The following LRRN3 variants were observed in gnomAD, a reference collection of about 807,000 sequenced individuals.
LRRN3 encodes leucine-rich repeat neuronal protein 3.
LRRN3 carries 15 observed loss-of-function variants against 40.1 expected under a neutral mutation model. The ratio of observed to expected loss-of-function variants is 0.37; its 90% CI spans 0.25 to 0.58. The LOEUF is 0.58. Among genes scored for constraint, LRRN3 ranks in the 20% least tolerant of loss-of-function variants. The pLI is 0.72. For synonymous variants in LRRN3, 308 were observed against 297.2 expected (o/e 1.04, Z -0.37); for missense variants, 746 against 837.7 (o/e 0.89, Z 1.35).
Position 111,120,775 on chromosome 7 carries a change from G to A in LRRN3, c.-358-1640G>A, listed in dbSNP as rs1800500930. On this transcript the variant is annotated intron_variant, in intron 2 of 2. Coordinates refer to ENST00000308478, the MANE Select transcript of LRRN3 (RefSeq NM_001099658.2). ...TATGGAGAGAAGTATGAATGAAAATGGGAAACAGCTAATACCACTACATCT... is the reference window on the plus strand; with the variant it reads ...TATGGAGAGAAGTATGAATGAAAATAGGAAACAGCTAATACCACTACATCT... Among the ~76,000 whole-genome samples, 6 of 152,032 alleles carry A rather than the reference G, an allele frequency of 3.9e-5. No individual in the cohort carries two copies. The South Asian group carries it at 1.2e-3, about 32-fold the overall frequency.
At position 111,123,566 on chromosome 7, in the gene LRRN3, T is replaced by G; in HGVS notation, c.794T>G (p.Leu265Trp). Reference sequence around the variant, plus strand: ...CAAAAAGTTGTAAATCTCAAATTTTTGGATCTAAATAAAAATCCTATTAAT... The same window carrying G: ...CAAAAAGTTGTAAATCTCAAATTTTGGGATCTAAATAAAAATCCTATTAAT... The part of the protein sequence containing the change: ...ALQKVVNLKF[L>W]DLNKNPINRI... Residue 265 changes from leucine to tryptophan, a missense_variant, in exon 3 of 3, where the codon TTG (leucine) becomes TGG (tryptophan). Leu to Trp is a moderately conservative substitution (Grantham distance 61). Coordinates refer to ENST00000308478, the MANE Select transcript of LRRN3 (RefSeq NM_001099658.2). This position sits in a 1 kb window ranked among gnomAD's most constrained non-coding sequence, Gnocchi z 6.4. 1 of 1,613,736 alleles carries G rather than the reference T, an allele frequency of 6.2e-7. No individual in the cohort carries two copies. The highest frequency in any genetic ancestry group is 8.5e-7 in the Non-Finnish European group (1 of 1,179,808).
At chr7:111,102,881 A>T (rs550493126) in intron 2 of LRRN3, among the ~76,000 whole-genome samples, 1 of 151,614 alleles carries the variant, frequency 6.6e-6, no homozygotes, top group Non-Finnish European at 1.5e-5. Flanking sequence ...ATCTCATTGT[A>T]AACTTATTTT....
At position 111,125,187 on chromosome 7, in the gene LRRN3, A is replaced by C. The variant is rs1801163212; in HGVS notation, c.*288A>C. ...TATGTCTGGACTACAGTTCAAGTGG[A>C]CAAAAACATTTCTGTATTTTTTTTA... On this transcript the variant is annotated 3_prime_UTR_variant, in exon 3 of 3. Coordinates refer to ENST00000308478, the MANE Select transcript of LRRN3 (RefSeq NM_001099658.2). 1 of 289,454 alleles carries C rather than the reference A, an allele frequency of 3.5e-6. No individual in the cohort carries two copies. Among genetic ancestry groups the C allele is most frequent in the Admixed American group, 4.9e-5 (1 of 20,586 alleles). The allele number at this position is 289,454 out of a possible 1,614,324, so 17.9% of individuals were successfully genotyped here.
In LRRN3 at chr7:111,123,292, A is replaced by G. The variant is rs1167472232; in HGVS notation, c.520A>G (p.Asn174Asp). ...TCTTCTTCGACTTCATCTCAATTCA[A>G]ATAGATTGCAGATGATCAACAGTAA... Reference protein sequence around the residue: ...HNLLRLHLNSNRLQMINSKWF... With the variant: ...HNLLRLHLNSDRLQMINSKWF... Residue 174 changes from asparagine (N) to aspartate (D), a missense_variant, in exon 3 of 3, where the codon AAT becomes GAT. Asn to Asp is a conservative substitution (Grantham distance 23). Coordinates refer to ENST00000308478, the MANE Select transcript of LRRN3 (RefSeq NM_001099658.2). This position sits in a 1 kb window ranked among gnomAD's most constrained non-coding sequence, Gnocchi z 6.4. 6.2e-7 allele frequency: 1 copy of G among 1,613,862 alleles called. No homozygotes were observed. The highest frequency in any genetic ancestry group is 8.5e-7 in the Non-Finnish European group (1 of 1,179,944).
intron 2 of LRRN3, among the ~76,000 whole-genome samples, chr7:111,110,295 A>G (rs947376902): frequency 2.6e-5 from 4 of 152,236 alleles, no homozygotes; most frequent in African/African-American, 4.8e-5. Context: ...GATAGGAATC[A>G]GTCATTAAAG....
rs28535164 is a variant in LRRN3 at position 111,092,936 on chromosome 7, T to C, written c.-441+1432T>C. Reference sequence around the variant, plus strand: ...TCTTTGAAACTGTGGGTTATTTTTTTCCACAACTGTGATTTCAGAGCTATT... The same window carrying C: ...TCTTTGAAACTGTGGGTTATTTTTTCCCACAACTGTGATTTCAGAGCTATT... On this transcript the variant is annotated intron_variant, in intron 1 of 2. Transcript: ENST00000308478. 9.7e-3 allele frequency among the ~76,000 whole-genome samples: 1,473 copies of C among 152,334 alleles called. 23 individuals carry two copies. Among genetic ancestry groups the C allele is most frequent in the African/African-American group, 0.033 (1,366 of 41,578 alleles).
At chr7:111,101,973 C>G (rs1798027307) in intron 2 of LRRN3, among the ~76,000 whole-genome samples, 1 of 151,202 alleles carries the variant, frequency 6.6e-6, no homozygotes, top group South Asian at 2.1e-4. Context: ...TTCATGAACT[C>G]TAATTTTCAT....
At position 111,124,708 on chromosome 7, in the gene LRRN3, A is replaced by T. The variant is rs1340920713; in HGVS notation, c.1936A>T (p.Ile646Phe). The T allele has an allele frequency of 6.2e-7, 1 of 1,613,966 alleles. No individual in the cohort carries two copies. Among genetic ancestry groups the T allele is most frequent in the South Asian group, 1.1e-5 (1 of 91,078 alleles). The change falls in exon 3 of 3, where the codon ATC becomes TTC. Residue 646 changes from isoleucine (I) to phenylalanine (F), a missense_variant. Coordinates refer to ENST00000308478, the MANE Select transcript of LRRN3 (RefSeq NM_001099658.2). ...LLGIIGVICL[I>F]SCLSPEMNCD... ...GGGGATTATTGGTGTGATATGTCTT[A>T]TCAGCTGCCTCTCTCCAGAAATGAA... is the stretch of plus-strand genomic sequence containing the variant.
intron 2 of LRRN3, among the ~76,000 whole-genome samples, chr7:111,114,126 A>G (rs977022277): frequency 6.7e-6 from 1 of 149,350 alleles, no homozygotes; most frequent in Admixed American, 6.6e-5. Flanking sequence ...ACACATACAC[A>G]TAAATCTACA....
At chr7:111,104,002 G>A (rs1474039476) in intron 2 of LRRN3, among the ~76,000 whole-genome samples, 2 of 151,664 alleles carry the variant, frequency 1.3e-5, no homozygotes, top group Admixed American at 6.6e-5. Flanking sequence ...AACAAAATGG[G>A]AACACTGAAA....
In LRRN3 at chr7:111,098,760, G is replaced by A. The variant is rs114686398; in HGVS notation, c.-440-1121G>A. On this transcript the variant is annotated intron_variant, in intron 1 of 2. Coordinates refer to ENST00000308478, the MANE Select transcript of LRRN3 (RefSeq NM_001099658.2). Reference sequence around the variant, plus strand: ...AAGGCTTAGAGAAGAAAAGTAACTTGCCATAACTAATGAAGAACACGAAAA... The same window carrying A: ...AAGGCTTAGAGAAGAAAAGTAACTTACCATAACTAATGAAGAACACGAAAA... Among the ~76,000 whole-genome samples the A allele has an allele frequency of 1.9e-3, 282 of 151,746 alleles. 1 individual carries two copies. The highest frequency in any genetic ancestry group is 6.3e-3 in the African/African-American group (263 of 41,454).
chr7:111,120,989 T>C (rs1800535660), intron 2 of LRRN3, among the ~76,000 whole-genome samples: 1 of 152,060 alleles, frequency 6.6e-6, no homozygotes, highest in Non-Finnish European at 1.5e-5. Context: ...TTTTCCTTTT[T>C]TCCCTATAAC....
In LRRN3 at chr7:111,124,534, G is replaced by A. The variant is rs1417787594; in HGVS notation, c.1762G>A (p.Glu588Lys). 6.2e-7 allele frequency: 1 copy of A among 1,613,550 alleles called. No individual in the cohort carries two copies. The highest frequency in any genetic ancestry group is 8.5e-7 in the Non-Finnish European group (1 of 1,179,816). The change falls in exon 3 of 3, where the codon GAG (glutamate) becomes AAG (lysine). Residue 588 changes from glutamate (E) to lysine (K), a missense_variant. Coordinates refer to ENST00000308478, the MANE Select transcript of LRRN3 (RefSeq NM_001099658.2). ...YNLTHLNPSTEYKICIDIPTI... is the reference protein window; with the variant it reads ...YNLTHLNPSTKYKICIDIPTI... ...TCTTACTCATCTGAATCCATCAACT[G>A]AGTATAAAATTTGTATTGATATTCC... is the stretch of plus-strand genomic sequence containing the variant.
At chr7:111,112,559 T>C (rs2129584178) in intron 2 of LRRN3, among the ~76,000 whole-genome samples, 1 of 152,308 alleles carries the variant, frequency 6.6e-6, no homozygotes, top group East Asian at 1.9e-4. Flanking sequence ...TCAGGAAGTT[T>C]TTTCAAAGCT....
chr7:111,110,078 T>C (rs1799020527), intron 2 of LRRN3, among the ~76,000 whole-genome samples: 1 of 152,162 alleles, frequency 6.6e-6, no homozygotes, highest in South Asian at 2.1e-4. Context: ...GAGGTTGCAG[T>C]AAGCTGAGAT....
chr7:111,097,029 G>A (rs1249153316), intron 1 of LRRN3: 1 of 151,828 alleles, frequency 6.6e-6, no homozygotes, highest in Non-Finnish European at 1.5e-5. Flanking sequence ...ACTTCCAGGA[G>A]GTGAAGCATT....
At chr7:111,104,647 T>G (rs2129580991) in intron 2 of LRRN3, among the ~76,000 whole-genome samples, 1 of 151,810 alleles carries the variant, frequency 6.6e-6, no homozygotes, top group East Asian at 1.9e-4. Context: ...GAGCAAATGC[T>G]AAAGAAAAAT....
At position 111,124,661 on chromosome 7, in the gene LRRN3, T is replaced by G. The variant is rs371192203; in HGVS notation, c.1889T>G (p.Met630Arg). The change falls in exon 3 of 3, where the codon ATG becomes AGG. Residue 630 changes from methionine (M) to arginine (R), a missense_variant. By Grantham distance (91) the Met-to-Arg change is moderately conservative. Coordinates refer to ENST00000308478, the MANE Select transcript of LRRN3 (RefSeq NM_001099658.2). ...GAAAAGAATAATACCACAACACTTA[T>G]GGCCTGTCTTGGAGGCCTTCTGGGG... Reference protein sequence around the residue: ...EYEKNNTTTLMACLGGLLGII... With the variant: ...EYEKNNTTTLRACLGGLLGII... 3.1e-6 allele frequency: 5 copies of G among 1,613,846 alleles called. No individual in the cohort carries two copies. Among genetic ancestry groups the G allele is most frequent in the Non-Finnish European group, 4.2e-6 (5 of 1,179,946 alleles).
Position 111,122,472 on chromosome 7 carries a change from C to G in LRRN3, c.-301C>G, listed in dbSNP as rs1018947690. On this transcript the variant is annotated 5_prime_UTR_variant, in exon 3 of 3. Coordinates refer to ENST00000308478, the MANE Select transcript of LRRN3 (RefSeq NM_001099658.2). ...AGCATGGGATTTAAATATTTTACTTCTAAATAAATGAATTACTCAATCTCC... is the reference window on the plus strand; with the variant it reads ...AGCATGGGATTTAAATATTTTACTTGTAAATAAATGAATTACTCAATCTCC... 2 of 252,286 alleles carry G rather than the reference C, an allele frequency of 7.9e-6. No individual in the cohort carries two copies. Among genetic ancestry groups the G allele is most frequent in the African/African-American group, 2.2e-5 (1 of 44,928 alleles). 15.6% of individuals were successfully genotyped at this position (252,286 alleles called of 1,614,324 possible). A position where few individuals can be genotyped will look rare whatever the true frequency, so the allele number is the denominator to read the frequency against.
Sources: allele counts gnomAD v4.1 joint callset (sites outside exome capture counted in the v4.1 genomes callset), GRCh38; gene constraint gnomAD v4.1.1; non-coding constraint Gnocchi (gnomAD v3.1); transcripts MANE v1.5; gene names NCBI Gene and HGNC (gene_info 2026-07-23, HGNC 2026-07-21).